Variants in UBE2QL1 observed in about 807,000 individuals in gnomAD.
The protein encoded by UBE2QL1 is ubiquitin conjugating enzyme E2 QL1, also known as ubiquitin-conjugating enzyme E2Q-like protein 1.
UBE2QL1 carries 5 observed loss-of-function variants against 12.6 expected under a neutral mutation model. The ratio of observed to expected loss-of-function variants is 0.40; its 90% CI spans 0.21 to 0.83. The LOEUF (loss-of-function observed/expected upper bound fraction) is 0.83, where lower values mean the gene tolerates loss of function less well. Among genes scored for constraint, UBE2QL1 ranks in the 40% least tolerant of loss-of-function variants. UBE2QL1 has a pLI of 0.37. For synonymous variants in UBE2QL1, 96 were observed against 94.5 expected, an observed-to-expected ratio of 1.02 and a Z score of -0.10; for missense variants, 99 against 222.6, an observed-to-expected ratio of 0.44 and a Z score of 3.53.
At chr5:6,464,385 G>A (rs1001845932) in intron 1 of UBE2QL1, among the ~76,000 whole-genome samples, 2 of 152,186 alleles carry the variant, frequency 1.3e-5, no homozygotes, top group Non-Finnish European at 2.9e-5. Flanking sequence ...CTCACAAGTC[G>A]AAAAGGAACG....
Position 6,481,280 on chromosome 5 carries a change from C to G in UBE2QL1, c.355-9938C>G, listed in dbSNP as rs562595823. Among the ~76,000 whole-genome samples the G allele has an allele frequency of 3.8e-4, 58 of 152,348 alleles. No homozygotes were observed. The highest frequency in any genetic ancestry group is 1.3e-3 in the African/African-American group (56 of 41,580). ...AGCCTGCTCCTAAGACAGCGTCTCT[C>G]TCTGCAGGCCTGGCCCCGGGTCACT... On this transcript the variant is annotated intron_variant, in intron 1 of 1. Transcript: ENST00000399816. The surrounding 1 kb of genome is among the most constrained non-coding windows in gnomAD (Gnocchi z 4.5).
chr5:6,461,921 G>A (rs1739675438), intron 1 of UBE2QL1, among the ~76,000 whole-genome samples: 1 of 152,168 alleles, frequency 6.6e-6, no homozygotes, highest in Non-Finnish European at 1.5e-5. Flanking sequence ...GTCCCATTTG[G>A]ATAAGCCGCA....
At chr5:6,449,588 G>A (rs1210842319) in intron 1 of UBE2QL1, among the ~76,000 whole-genome samples, 1 of 151,370 alleles carries the variant, frequency 6.6e-6, no homozygotes, top group African/African-American at 2.4e-5. Context: ...CTCTTCCTTA[G>A]CCTCCCTCTC....
Position 6,495,702 on chromosome 5 carries a change from T to C in UBE2QL1, c.*4353T>C, listed in dbSNP as rs1395235087. On this transcript the variant is annotated 3_prime_UTR_variant, in exon 2 of 2. Transcript: ENST00000399816. ...AAAGGGCAGAAATTCCCTCCAACTG[T>C]TTTGGGAAGCTTCTGTAAGGGGCTT... 1.3e-5 allele frequency among the ~76,000 whole-genome samples: 2 copies of C among 152,122 alleles called. No individual in the cohort carries two copies. Among genetic ancestry groups the C allele is most frequent in the Non-Finnish European group, 2.9e-5 (2 of 68,024 alleles).
intron 1 of UBE2QL1, among the ~76,000 whole-genome samples, chr5:6,464,989 T>C (rs1739754918): frequency 6.6e-6 from 1 of 151,452 alleles, no homozygotes; most frequent in Non-Finnish European, 1.5e-5. Context: ...TAGTTTTTAT[T>C]CTTTTTTTTT....
chr5:6,456,820 G>A (rs968717976), intron 1 of UBE2QL1, among the ~76,000 whole-genome samples: 12 of 152,116 alleles, frequency 7.9e-5, no homozygotes, highest in Admixed American at 7.2e-4. Flanking sequence ...TGAGATGAGG[G>A]CAGGTGTGTC....
At chr5:6,480,588 G>A (rs1347217160) in intron 1 of UBE2QL1, among the ~76,000 whole-genome samples, 1 of 152,212 alleles carries the variant, frequency 6.6e-6, no homozygotes, top group Non-Finnish European at 1.5e-5. Context: ...TTAGCAAAAA[G>A]TTCCTTTTTC....
At chr5:6,463,598 G>GTTATTATTATTATTATTA (rs149126743) in intron 1 of UBE2QL1, among the ~76,000 whole-genome samples, 2 of 137,300 alleles carry the variant, frequency 1.5e-5, no homozygotes, top group South Asian at 2.4e-4. Context: ...TATTTGTGCT[G>GTTATTATTATTATTATTA]TTATTATTAT....
intron 1 of UBE2QL1, among the ~76,000 whole-genome samples, chr5:6,452,878 G>A (rs1185811971): frequency 6.6e-6 from 1 of 152,150 alleles, no homozygotes; most frequent in East Asian, 1.9e-4. Flanking sequence ...GTCCCCAAAA[G>A]CTGCTTGATG....
At chr5:6,461,038 T>G (rs1355037335) in intron 1 of UBE2QL1, among the ~76,000 whole-genome samples, 1 of 152,208 alleles carries the variant, frequency 6.6e-6, no homozygotes, top group Non-Finnish European at 1.5e-5. Context: ...TTCCCTGTAG[T>G]CAATTACATG....
intron 1 of UBE2QL1, among the ~76,000 whole-genome samples, chr5:6,472,267 C>T (rs115833881): frequency 2.0e-5 from 3 of 152,170 alleles, no homozygotes; most frequent in Admixed American, 6.5e-5. Context: ...TCCCACCTCC[C>T]TGTGGTCACA....
rs1734232654 is a variant in UBE2QL1, at chr5:6,476,460, C to G, written c.355-14758C>G. Among the ~76,000 whole-genome samples, 1 of 152,144 alleles carries G rather than the reference C, an allele frequency of 6.6e-6. No homozygotes were observed. The highest frequency in any genetic ancestry group is 6.5e-5 in the Admixed American group (1 of 15,282). On this transcript the variant is annotated intron_variant, in intron 1 of 1. Transcript: ENST00000399816. The surrounding 1 kb of genome is among the most constrained non-coding windows in gnomAD (Gnocchi z 4.9). ...CCTCTGGGTCACGGGGCTGCTGGGT[C>G]AGGGTTGCTGCAGGAAGAAGCTTTG...
At chr5:6,462,590 A>G (rs2126337112) in intron 1 of UBE2QL1, among the ~76,000 whole-genome samples, 1 of 152,262 alleles carries the variant, frequency 6.6e-6, no homozygotes, top group African/African-American at 2.4e-5. Context: ...AGCATCATCA[A>G]GGAGGAGTTG....
At chr5:6,490,822 G>A (rs1287725800) in intron 1 of UBE2QL1, among the ~76,000 whole-genome samples, 1 of 152,220 alleles carries the variant, frequency 6.6e-6, no homozygotes, top group Non-Finnish European at 1.5e-5. Context: ...AGTTCGAACA[G>A]TATATTGCCT....
intron 1 of UBE2QL1, among the ~76,000 whole-genome samples, chr5:6,472,193 T>A (rs780009168): frequency 2.5e-4 from 38 of 152,170 alleles, no homozygotes; most frequent in Non-Finnish European, 4.4e-4. Flanking sequence ...CACACCTGCA[T>A]ATTTTTCCAA....
At chr5:6,460,063 C>T in intron 1 of UBE2QL1, among the ~76,000 whole-genome samples, 2 of 152,108 alleles carry the variant, frequency 1.3e-5, no homozygotes, top group South Asian at 2.1e-4. Flanking sequence ...GATTTAGGAG[C>T]CCAACAGGTG....
chr5:6,449,247 G>T lies in UBE2QL1; in HGVS notation c.354G>T (p.Gln118His). The part of the protein sequence containing the change: ...RQFAASLVKG[Q>H]GRICRKAGKS... ...TCGCAGCCAGCCTGGTCAAGGGCCA[G>T]GTAAGGCGAGCGCGCCGGGGCTGGG... Residue 118 changes from glutamine to histidine, a missense_variant and splice_region_variant, in exon 1 of 2, where the codon CAG (glutamine) becomes CAT (histidine). Coordinates refer to ENST00000399816, the MANE Select transcript of UBE2QL1 (RefSeq NM_001145161.3). The T allele has an allele frequency of 7.1e-7, 1 of 1,399,908 alleles. No homozygotes were observed. The highest frequency in any genetic ancestry group is 9.3e-7 in the Non-Finnish European group (1 of 1,076,262). 86.7% of individuals were successfully genotyped at this position (1,399,908 alleles called of 1,614,324 possible). A position where few individuals can be genotyped will look rare whatever the true frequency, so the allele number is the denominator to read the frequency against.
Position 6,496,034 on chromosome 5 carries a change from A to G in UBE2QL1, c.*4685A>G, listed in dbSNP as rs936903797. Among the ~76,000 whole-genome samples, 7 of 152,300 alleles carry G rather than the reference A, an allele frequency of 4.6e-5. No homozygotes were observed. The highest frequency in any genetic ancestry group is 2.1e-4 in the South Asian group (1 of 4,826). ...TGTGCTGGCCAAACAGCAACAATCA[A>G]AGCAGAGGGGAGCAAGATTTTCTTT... On this transcript the variant is annotated 3_prime_UTR_variant, in exon 2 of 2. Transcript: ENST00000399816.
intron 1 of UBE2QL1, 90 bp from the exon 2 acceptor site, chr5:6,491,127 TC>T: frequency 7.2e-7 from 1 of 1,381,078 alleles, no homozygotes; most frequent in Non-Finnish European, 9.7e-7. Flanking sequence ...ACATCAGAAA[TC>T]CCCACGACTC....
Sources: gnomAD v4.1 joint callset for allele counts (sites outside exome capture counted in the v4.1 genomes callset) on GRCh38, gnomAD v4.1.1 for gene constraint, Gnocchi (gnomAD v3.1) non-coding constraint, MANE v1.5 for transcripts, NCBI Gene and HGNC (gene_info 2026-07-23, HGNC 2026-07-21) for gene names.